The following LHFPL3 variants were observed in gnomAD, a reference collection of about 807,000 sequenced individuals.
LHFPL3 encodes LHFPL tetraspan subfamily member 3 protein.
A neutral mutation model predicts 19.3 loss-of-function variants in LHFPL3; 5 were observed. That is an observed-to-expected ratio of 0.26 (90% CI 0.14 to 0.54). The LOEUF is 0.54. Among genes scored for constraint, LHFPL3 ranks in the 20% least tolerant of loss-of-function variants. The pLI, the probability that LHFPL3 is intolerant of heterozygous loss-of-function variation, is 0.94. For missense variants in LHFPL3, 249 were observed against 307.4 expected, an observed-to-expected ratio of 0.81 and a Z score of 1.42; for synonymous variants, 133 against 126.2, an observed-to-expected ratio of 1.05 and a Z score of -0.36.
rs901458663 is a variant in LHFPL3 at position 104,522,002 on chromosome 7, G to A, written c.445+192778G>A. Among the ~76,000 whole-genome samples, 65 of 151,978 alleles carry A rather than the reference G, an allele frequency of 4.3e-4. No individual in the cohort carries two copies. The East Asian group carries it at 6.5e-3, about 15-fold the overall frequency. ...GGCGATTCCTCAGGGATCTAGAACT[G>A]GAAATACCATTTGACCCAGCCATCC... On this transcript the variant is annotated intron_variant, in intron 1 of 2. Coordinates refer to ENST00000424859, the MANE Select transcript of LHFPL3 (RefSeq NM_199000.3).
intron 2 of LHFPL3, among the ~76,000 whole-genome samples, chr7:104,771,676 G>A (rs777671292): frequency 3.3e-5 from 5 of 151,794 alleles, no homozygotes; most frequent in African/African-American, 4.8e-5. Context: ...TACTGCTCAC[G>A]CCACTCATAA....
chr7:104,616,370 A>C (rs1467782753), intron 1 of LHFPL3, among the ~76,000 whole-genome samples: 1 of 152,214 alleles, frequency 6.6e-6, no homozygotes, highest in Non-Finnish European at 1.5e-5. Flanking sequence ...CAAACCTGAC[A>C]AAAACAAGAA....
chr7:104,548,791 C>T (rs1794617069), intron 1 of LHFPL3, among the ~76,000 whole-genome samples: 1 of 152,112 alleles, frequency 6.6e-6, no homozygotes, highest in African/African-American at 2.4e-5. Flanking sequence ...AGTCAGAGCA[C>T]AAGTACTAAC....
chr7:104,906,050 T>C (rs1042868448), intron 2 of LHFPL3, 137 bp from the exon 3 acceptor site: 21 of 787,680 alleles, frequency 2.7e-5, no homozygotes, highest in African/African-American at 6.9e-5. Flanking sequence ...TGGTAACAAA[T>C]GCAAAATGCA....
intron 1 of LHFPL3, among the ~76,000 whole-genome samples, chr7:104,670,365 A>G (rs1792454324): frequency 6.6e-6 from 1 of 152,174 alleles, no homozygotes. Flanking sequence ...GGGTCGTGGT[A>G]ATTCCCAATG....
At chr7:104,666,678 C>A (rs1009658623) in intron 1 of LHFPL3, among the ~76,000 whole-genome samples, 2 of 149,948 alleles carry the variant, frequency 1.3e-5, no homozygotes, top group African/African-American at 2.4e-5. Flanking sequence ...CCCGCCACTA[C>A]GCCCGGCTAA....
At chr7:104,458,836 G>C (rs985939265) in intron 1 of LHFPL3, among the ~76,000 whole-genome samples, 1 of 152,152 alleles carries the variant, frequency 6.6e-6, no homozygotes, top group Non-Finnish European at 1.5e-5. Context: ...CCTGTTGTCA[G>C]CTGGCTTTCC....
rs373503209 is a variant in LHFPL3 at position 104,692,379 on chromosome 7, G to A, written c.446-44296G>A. Among the ~76,000 whole-genome samples, 119 of 152,252 alleles carry A rather than the reference G, an allele frequency of 7.8e-4. 1 individual carries two copies. The highest frequency in any genetic ancestry group is 2.2e-3 in the African/African-American group (91 of 41,534). On this transcript the variant is annotated intron_variant, in intron 1 of 2. Coordinates refer to ENST00000424859, the MANE Select transcript of LHFPL3 (RefSeq NM_199000.3). ...AGACAATGGGGAAATTGTCTCCAGC[G>A]CATGTCAGAGATCTTCACTGTAGCC...
intron 1 of LHFPL3, chr7:104,667,911 T>G (rs1792388129): frequency 6.2e-7 from 1 of 1,612,936 alleles, no homozygotes; most frequent in Non-Finnish European, 8.5e-7. Context: ...TTCTACAACT[T>G]GGCACAGTAA....
At chr7:104,736,982 C>T (rs1793838098) in intron 2 of LHFPL3, 71 bp downstream of exon 2, 3 of 1,200,326 alleles carry the variant, frequency 2.5e-6, no homozygotes, top group South Asian at 1.4e-5. Flanking sequence ...CATTCTTTCC[C>T]CTCAAATACT....
intron 1 of LHFPL3, among the ~76,000 whole-genome samples, chr7:104,695,569 A>G (rs1792982482): frequency 6.6e-6 from 1 of 152,226 alleles, no homozygotes; most frequent in Non-Finnish European, 1.5e-5. Context: ...TGCTGAGACT[A>G]AAAAACTCAA....
At chr7:104,568,912 G>A (rs1416687423) in intron 1 of LHFPL3, among the ~76,000 whole-genome samples, 1 of 152,156 alleles carries the variant, frequency 6.6e-6, no homozygotes, top group African/African-American at 2.4e-5. Flanking sequence ...AGAATGTTTT[G>A]GCTAAATATT....
At chr7:104,433,154 A>G (rs1393315140) in intron 1 of LHFPL3, among the ~76,000 whole-genome samples, 1 of 152,204 alleles carries the variant, frequency 6.6e-6, no homozygotes, top group East Asian at 1.9e-4. Flanking sequence ...CTTTTATTTT[A>G]TTATATTTGG....
intron 1 of LHFPL3, among the ~76,000 whole-genome samples, chr7:104,389,800 A>C (rs1338057798): frequency 6.6e-6 from 1 of 152,174 alleles, no homozygotes; most frequent in Non-Finnish European, 1.5e-5. Flanking sequence ...TACTGGAATG[A>C]CTGGATAGTC....
At chr7:104,670,869 T>G (rs983614497) in intron 1 of LHFPL3, among the ~76,000 whole-genome samples, 23 of 151,828 alleles carry the variant, frequency 1.5e-4, no homozygotes, top group African/African-American at 5.6e-4. Flanking sequence ...TTGTTTTGTT[T>G]TTTTTTTTTT....
chr7:104,629,665 G>T (rs757155889), intron 1 of LHFPL3, among the ~76,000 whole-genome samples: 1 of 152,198 alleles, frequency 6.6e-6, no homozygotes, highest in Non-Finnish European at 1.5e-5. Context: ...TCATGATGCA[G>T]ACTTGCCAAC....
At chr7:104,619,512 A>C (rs1211853020) in intron 1 of LHFPL3, among the ~76,000 whole-genome samples, 1 of 152,160 alleles carries the variant, frequency 6.6e-6, no homozygotes, top group Non-Finnish European at 1.5e-5. Context: ...GAATGATTGA[A>C]ATGAGAGACA....
At chr7:104,395,024 A>G (rs1791155877) in intron 1 of LHFPL3, among the ~76,000 whole-genome samples, 1 of 151,840 alleles carries the variant, frequency 6.6e-6, no homozygotes, top group African/African-American at 2.4e-5. Flanking sequence ...CTAAGAACCC[A>G]AGCTACCGTA....
chr7:104,829,327 T>C (rs1478213439), intron 2 of LHFPL3, among the ~76,000 whole-genome samples: 2 of 149,788 alleles, frequency 1.3e-5, no homozygotes, highest in Non-Finnish European at 3.0e-5. Flanking sequence ...CATAGCTGCT[T>C]TTTTTTTTAA....
Sources: allele counts gnomAD v4.1 joint callset (sites outside exome capture counted in the v4.1 genomes callset), GRCh38; gene constraint gnomAD v4.1.1; transcripts MANE v1.5; gene names NCBI Gene and HGNC (gene_info 2026-07-23, HGNC 2026-07-21).